Variants in AATF observed in about 807,000 individuals in gnomAD.
AATF encodes protein AATF.
In AATF, 48 loss-of-function variants were observed where a neutral mutation model predicts 63.7. That is an observed-to-expected ratio of 0.75 (90% CI 0.60 to 0.96). The LOEUF (loss-of-function observed/expected upper bound fraction) is 0.96. Among genes scored for constraint, AATF ranks in the 40% least tolerant of loss-of-function variants. The pLI, the probability that AATF is intolerant of heterozygous loss-of-function variation, is 0.00. For synonymous variants in AATF, 258 were observed against 247.7 expected, an observed-to-expected ratio of 1.04 and a Z score of -0.39; for missense variants, 639 against 685.7, an observed-to-expected ratio of 0.93 and a Z score of 0.76.
At chr17:36,995,051 C>T (rs1401862102) in intron 8 of AATF, among the ~76,000 whole-genome samples, 1 of 152,204 alleles carries the variant, frequency 6.6e-6, no homozygotes, top group African/African-American at 2.4e-5. Flanking sequence ...TCTGAAAGGA[C>T]TAATTGAGCT....
At chr17:37,011,197 C>A (rs995299325) in intron 8 of AATF, among the ~76,000 whole-genome samples, 1 of 152,040 alleles carries the variant, frequency 6.6e-6, no homozygotes, top group Admixed American at 6.6e-5. Flanking sequence ...ATGGAAAAAC[C>A]CCGTCTCAAC....
At chr17:37,038,020 C>G (rs1425997607) in intron 11 of AATF, among the ~76,000 whole-genome samples, 1 of 152,174 alleles carries the variant, frequency 6.6e-6, no homozygotes, top group African/African-American at 2.4e-5. Context: ...TGGACAGATG[C>G]CTGGTTCATG....
chr17:37,041,905 T>C (rs1212676166), intron 11 of AATF, among the ~76,000 whole-genome samples: 1 of 152,244 alleles, frequency 6.6e-6, no homozygotes, highest in African/African-American at 2.4e-5. Context: ...ACATATAATA[T>C]GGTAGGCAGT....
chr17:36,953,164 G>A lies in AATF; in HGVS notation c.562G>A (p.Asp188Asn). 6.2e-7 allele frequency: 1 copy of A among 1,614,202 alleles called. No homozygotes were observed. Among genetic ancestry groups the A allele is most frequent in the East Asian group, 2.2e-5 (1 of 44,886 alleles). Reference sequence around the variant, plus strand: ...CATGGAAGAAGGGGATGACGCGGAAGACTCCCAAGGCGAGAGTGAGGAAGA... The same window carrying A: ...CATGGAAGAAGGGGATGACGCGGAAAACTCCCAAGGCGAGAGTGAGGAAGA... ...SGMEEGDDAE[D>N]SQGESEEDRA... Residue 188 changes from aspartate to asparagine, a missense_variant, in exon 3 of 12, where the codon GAC becomes AAC. Physicochemically the swap from Asp to Asn is conservative, Grantham distance 23. Transcript: ENST00000619387.
chr17:37,021,018 AG>A lies in AATF; in HGVS notation c.1547+5del. The A allele has an allele frequency of 6.2e-7, 1 of 1,608,952 alleles. No homozygotes were observed. The highest frequency in any genetic ancestry group is 8.5e-7 in the Non-Finnish European group (1 of 1,177,470). On this transcript the variant is annotated splice_donor_5th_base_variant and intron_variant, in intron 10 of 11. Coordinates refer to ENST00000619387, the MANE Select transcript of AATF (RefSeq NM_012138.4). Reference sequence around the variant, plus strand: ...CCAGCAAAGGCAGGAAACTTCGGTGAGTTACTTTTCGGAAAAAATGTCAACA... The same window carrying A: ...CCAGCAAAGGCAGGAAACTTCGGTGATTACTTTTCGGAAAAAATGTCAACA...
intron 8 of AATF, among the ~76,000 whole-genome samples, chr17:37,007,237 G>A (rs943037657): frequency 9.2e-5 from 14 of 152,042 alleles, no homozygotes; most frequent in African/African-American, 3.4e-4. Flanking sequence ...ACCCAGGCTG[G>A]ACCATAGTGG....
chr17:37,036,427 TTATCCTGGTGGTA>T (rs1379608106), intron 11 of AATF, among the ~76,000 whole-genome samples: 1 of 152,132 alleles, frequency 6.6e-6, no homozygotes, highest in Non-Finnish European at 1.5e-5. Context: ...ACACAGGATA[TTATCCTGGTGGTA>T]TATCCTGGTG....
At chr17:37,046,547 C>G (rs1218441239) in intron 11 of AATF, among the ~76,000 whole-genome samples, 1 of 152,116 alleles carries the variant, frequency 6.6e-6, no homozygotes. Context: ...TGCTCACTTA[C>G]TAGTTACTTC....
intron 8 of AATF, among the ~76,000 whole-genome samples, chr17:37,007,269 C>T (rs2071348343): frequency 6.6e-6 from 1 of 152,090 alleles, no homozygotes; most frequent in Middle Eastern, 3.4e-3. Flanking sequence ...CGCACTGCAA[C>T]CTCACACTGC....
At chr17:36,987,452 C>T (rs754869711) in intron 5 of AATF, among the ~76,000 whole-genome samples, 9 of 152,022 alleles carry the variant, frequency 5.9e-5, no homozygotes, top group Non-Finnish European at 1.3e-4. Flanking sequence ...ATTATTTTTT[C>T]CCCCTGAAAT....
intron 8 of AATF, chr17:36,998,942 G>C (rs2071274474): frequency 6.6e-6 from 1 of 152,114 alleles, no homozygotes; most frequent in South Asian, 2.1e-4. Context: ...GGTTCTCTAG[G>C]GTTCTCACAA....
At chr17:37,012,862 C>A (rs1198604766) in intron 8 of AATF, among the ~76,000 whole-genome samples, 1 of 152,076 alleles carries the variant, frequency 6.6e-6, no homozygotes, top group South Asian at 2.1e-4. Flanking sequence ...GGATCATAGA[C>A]CTAAATATAA....
At chr17:37,017,825 A>G (rs1036792939) in intron 8 of AATF, among the ~76,000 whole-genome samples, 11 of 152,200 alleles carry the variant, frequency 7.2e-5, no homozygotes, top group Non-Finnish European at 1.5e-5. Flanking sequence ...TCCAGTGCCT[A>G]CTTACATAAA....
At chr17:37,044,980 A>C (rs887671083) in intron 11 of AATF, among the ~76,000 whole-genome samples, 3 of 152,194 alleles carry the variant, frequency 2.0e-5, no homozygotes, top group African/African-American at 4.8e-5. Context: ...TTTCTTTAAG[A>C]AGAAAACAGT....
intron 4 of AATF, among the ~76,000 whole-genome samples, chr17:36,984,388 CA>C (rs1255277395): frequency 3.9e-5 from 6 of 152,132 alleles, no homozygotes; most frequent in African/African-American, 1.4e-4. Context: ...CAGAGAGGTT[CA>C]GACAGGGAGA....
chr17:37,023,396 G>A (rs2071487382), intron 10 of AATF, among the ~76,000 whole-genome samples: 1 of 152,030 alleles, frequency 6.6e-6, no homozygotes, highest in Non-Finnish European at 1.5e-5. Flanking sequence ...GTTCATTACA[G>A]GTATGTGTCA....
At chr17:36,969,856 T>G (rs1295056401) in intron 4 of AATF, among the ~76,000 whole-genome samples, 1 of 152,206 alleles carries the variant, frequency 6.6e-6, no homozygotes, top group East Asian at 1.9e-4. Context: ...CTGCTGTCAC[T>G]ATGGGTTAGT....
chr17:36,994,481 T>C (rs1409009787), intron 8 of AATF, among the ~76,000 whole-genome samples: 2 of 152,262 alleles, frequency 1.3e-5, no homozygotes, highest in Non-Finnish European at 2.9e-5. Context: ...GCATGAAGTA[T>C]AGCCAATGGT....
At chr17:37,033,397 A>G (rs2071566588) in intron 11 of AATF, among the ~76,000 whole-genome samples, 1 of 152,242 alleles carries the variant, frequency 6.6e-6, no homozygotes, top group African/African-American at 2.4e-5. Context: ...TATCCCAGGC[A>G]TAAAATGAAA....
Sources: allele counts gnomAD v4.1 joint callset (sites outside exome capture counted in the v4.1 genomes callset), GRCh38; gene constraint gnomAD v4.1.1; transcripts MANE v1.5; gene names NCBI Gene and HGNC (gene_info 2026-07-23, HGNC 2026-07-21).